COL21A1: variants seen among roughly 807,000 people sequenced by gnomAD.
The protein encoded by COL21A1 is collagen alpha-1(XXI) chain.
In COL21A1, 149 loss-of-function variants were observed where a neutral mutation model predicts 137.9. That is an observed-to-expected ratio of 1.08 (90% CI 0.95 to 1.24). The LOEUF (loss-of-function observed/expected upper bound fraction) is 1.24, where lower values mean the gene tolerates loss of function less well. Ranked by LOEUF, COL21A1 falls within the 50% of genes most tolerant of loss-of-function variation. The probability of loss-of-function intolerance (pLI) is 0.00; values close to 1 mark genes in which losing one functional copy is unlikely to be tolerated. For synonymous variants in COL21A1, 456 were observed against 391.5 expected (o/e 1.16, Z -1.95); for missense variants, 1,167 against 1,158.4 (o/e 1.01, Z -0.11).
At chr6:56,379,741 T>C (rs2094005719) in intron 1 of COL21A1, among the ~76,000 whole-genome samples, 1 of 152,196 alleles carries the variant, frequency 6.6e-6, no homozygotes, top group Admixed American at 6.5e-5. Flanking sequence ...TATCATTTTA[T>C]ACACACATAG....
At chr6:56,312,602 A>G (rs1045431873) in intron 1 of COL21A1, among the ~76,000 whole-genome samples, 10 of 152,248 alleles carry the variant, frequency 6.6e-5, no homozygotes, top group African/African-American at 2.2e-4. Flanking sequence ...CACAATAGCC[A>G]GGAATAATAT....
intron 1 of COL21A1, among the ~76,000 whole-genome samples, chr6:56,334,384 A>T: frequency 6.6e-6 from 1 of 152,154 alleles, no homozygotes; most frequent in East Asian, 1.9e-4. Context: ...ATTAAATGAC[A>T]TATGTAAAGC....
chr6:56,236,349 G>A (rs765313458), intron 1 of COL21A1, among the ~76,000 whole-genome samples: 6 of 151,936 alleles, frequency 3.9e-5, no homozygotes, highest in Non-Finnish European at 5.9e-5. Context: ...CAATAGATGG[G>A]GATTTCCCTA....
At chr6:56,094,220 A>G (rs2114219760) in intron 17 of COL21A1, among the ~76,000 whole-genome samples, 1 of 152,242 alleles carries the variant, frequency 6.6e-6, no homozygotes, top group Non-Finnish European at 1.5e-5. Flanking sequence ...CAAGTTCATC[A>G]CTTAGAAGTC....
chr6:56,148,338 CAG>C (rs150898619), intron 10 of COL21A1, among the ~76,000 whole-genome samples: 7,361 of 133,240 alleles, frequency 0.055, 221 homozygotes, highest in Middle Eastern at 0.1. Context: ...AGACAAGAGA[CAG>C]AGAGAGAGAG....
intron 20 of COL21A1, among the ~76,000 whole-genome samples, chr6:56,072,125 A>G (rs1766806726): frequency 6.6e-6 from 1 of 151,576 alleles, no homozygotes; most frequent in African/African-American, 2.4e-5. Flanking sequence ...TTCCAGCTGT[A>G]TCCATATCCC....
chr6:56,111,443 T>C (rs988489486), intron 16 of COL21A1, among the ~76,000 whole-genome samples: 5 of 152,188 alleles, frequency 3.3e-5, no homozygotes, highest in Non-Finnish European at 7.4e-5. Flanking sequence ...TGTGCCAATA[T>C]TGGTTTCTTA....
intron 1 of COL21A1, among the ~76,000 whole-genome samples, chr6:56,340,354 T>C (rs1292734242): frequency 3.3e-5 from 5 of 151,666 alleles, no homozygotes; most frequent in African/African-American, 1.2e-4. Flanking sequence ...AAGGAGAAGT[T>C]GTGGTGGGGC....
intron 1 of COL21A1, among the ~76,000 whole-genome samples, chr6:56,363,537 C>G (rs969254703): frequency 6.6e-5 from 10 of 152,182 alleles, no homozygotes; most frequent in Non-Finnish European, 1.3e-4. Flanking sequence ...AGGTCAGTCA[C>G]CCTGTGGCAT....
At chr6:56,337,562 C>T (rs1268777973) in intron 1 of COL21A1, among the ~76,000 whole-genome samples, 1 of 152,222 alleles carries the variant, frequency 6.6e-6, no homozygotes, top group Non-Finnish European at 1.5e-5. Context: ...CATCCCTCTC[C>T]CTGGCCATAT....
chr6:56,298,876 C>T (rs940438816), intron 1 of COL21A1, among the ~76,000 whole-genome samples: 2 of 152,062 alleles, frequency 1.3e-5, no homozygotes, highest in African/African-American at 4.8e-5. Flanking sequence ...ATTACAAATA[C>T]ATCATCATCC....
intron 16 of COL21A1, among the ~76,000 whole-genome samples, chr6:56,113,890 C>A (rs1306993623): frequency 6.6e-6 from 1 of 152,060 alleles, no homozygotes; most frequent in Admixed American, 6.5e-5. Context: ...ACTTATGAGA[C>A]CTTGGGGCTC....
At chr6:56,240,682 T>C (rs1032503576) in intron 1 of COL21A1, among the ~76,000 whole-genome samples, 1 of 152,092 alleles carries the variant, frequency 6.6e-6, no homozygotes, top group Admixed American at 6.6e-5. Flanking sequence ...AATGGCAAAA[T>C]GAAAGAGAAC....
intron 16 of COL21A1, among the ~76,000 whole-genome samples, chr6:56,106,981 G>T (rs1257875105): frequency 6.6e-6 from 1 of 152,048 alleles, no homozygotes; most frequent in Non-Finnish European, 1.5e-5. Flanking sequence ...TAGAGACGGG[G>T]TTTCACCGTG....
At chr6:56,223,766 C>T (rs981006685) in intron 1 of COL21A1, among the ~76,000 whole-genome samples, 1 of 152,040 alleles carries the variant, frequency 6.6e-6, no homozygotes, top group Non-Finnish European at 1.5e-5. Flanking sequence ...GCCAGAGTAA[C>T]AAAATGTGCC....
At chr6:56,308,514 G>T (rs1028404157) in intron 1 of COL21A1, among the ~76,000 whole-genome samples, 1 of 152,158 alleles carries the variant, frequency 6.6e-6, no homozygotes, top group Non-Finnish European at 1.5e-5. Context: ...TTAATACGAG[G>T]TATATAAAAT....
chr6:56,327,045 A>G (rs1765111411), intron 1 of COL21A1, among the ~76,000 whole-genome samples: 1 of 152,058 alleles, frequency 6.6e-6, no homozygotes, highest in Non-Finnish European at 1.5e-5. Context: ...TTTTATGTAA[A>G]CCAGTATGAT....
intron 10 of COL21A1, among the ~76,000 whole-genome samples, chr6:56,153,450 T>C (rs1775481937): frequency 6.6e-6 from 1 of 152,128 alleles, no homozygotes; most frequent in African/African-American, 2.4e-5. Context: ...ATTTTCATCA[T>C]TATAAAAACA....
intron 16 of COL21A1, among the ~76,000 whole-genome samples, chr6:56,122,312 CTT>C (rs11410654): frequency 1.4e-5 from 2 of 143,924 alleles, no homozygotes; most frequent in Non-Finnish European, 3.1e-5. Flanking sequence ...CATGCGGTTT[CTT>C]TTTTTTTTTT....
Sources: allele counts gnomAD v4.1 joint callset (sites outside exome capture counted in the v4.1 genomes callset), GRCh38; gene constraint gnomAD v4.1.1; transcripts MANE v1.5; gene names NCBI Gene and HGNC (gene_info 2026-07-23, HGNC 2026-07-21).